Variants in UGGT2 observed in about 807,000 individuals in gnomAD.
The protein encoded by UGGT2 is UDP-glucose glycoprotein glucosyltransferase 2.
In UGGT2, 180 loss-of-function variants were observed where a neutral mutation model predicts 192.1. That is an observed-to-expected ratio of 0.94 (90% CI 0.83 to 1.06). The LOEUF (loss-of-function observed/expected upper bound fraction) is 1.06. Among genes scored for constraint, UGGT2 ranks in the 50% least tolerant of loss-of-function variants. UGGT2 has a pLI of 0.00. For missense variants in UGGT2, 1,849 were observed against 1,795.7 expected (o/e 1.03, Z -0.54); for synonymous variants, 580 against 591.0 (o/e 0.98, Z 0.27).
intron 12 of UGGT2, among the ~76,000 whole-genome samples, chr13:95,958,144 G>C (rs2050268383): frequency 6.6e-6 from 1 of 151,970 alleles, no homozygotes; most frequent in Non-Finnish European, 1.5e-5. Flanking sequence ...CTTTGGCTCT[G>C]AGAAGGCAGA....
intron 38 of UGGT2, among the ~76,000 whole-genome samples, chr13:95,830,362 A>C (rs1472717712): frequency 6.6e-6 from 1 of 152,176 alleles, no homozygotes; most frequent in African/African-American, 2.4e-5. Flanking sequence ...AATGGGAGAA[A>C]ATTTTTGCAA....
intron 1 of UGGT2, among the ~76,000 whole-genome samples, chr13:96,032,583 T>G (rs192160290): frequency 2.0e-5 from 3 of 152,202 alleles, no homozygotes. Flanking sequence ...CTTTCAGAAA[T>G]AATGAAATAA....
At chr13:95,998,200 T>C (rs908089155) in intron 6 of UGGT2, among the ~76,000 whole-genome samples, 2 of 152,124 alleles carry the variant, frequency 1.3e-5, no homozygotes, top group Admixed American at 1.3e-4. Flanking sequence ...GTGTAAAAGG[T>C]TGATGACAGA....
chr13:96,030,658 T>C (rs1008200769), intron 2 of UGGT2, among the ~76,000 whole-genome samples: 1 of 152,206 alleles, frequency 6.6e-6, no homozygotes, highest in South Asian at 2.1e-4. Flanking sequence ...AATAAACTAT[T>C]TTAATCACCA....
chr13:96,007,199 T>C (rs1566818139), intron 5 of UGGT2, among the ~76,000 whole-genome samples: 1 of 152,096 alleles, frequency 6.6e-6, no homozygotes, highest in Non-Finnish European at 1.5e-5. Flanking sequence ...AAAAACCATA[T>C]GATAATTTAA....
At chr13:95,866,614 G>T (rs1345569846) in intron 30 of UGGT2, among the ~76,000 whole-genome samples, 1 of 152,114 alleles carries the variant, frequency 6.6e-6, no homozygotes, top group East Asian at 1.9e-4. Context: ...TTCATCCTTA[G>T]CCTGAAAATA....
At chr13:95,992,156 T>C (rs1254293602) in intron 7 of UGGT2, among the ~76,000 whole-genome samples, 6 of 152,000 alleles carry the variant, frequency 3.9e-5, no homozygotes, top group Non-Finnish European at 5.9e-5. Flanking sequence ...GAGCTAGAGC[T>C]AGACTCCGTC....
chr13:96,046,830 A>T (rs539220927), intron 1 of UGGT2, among the ~76,000 whole-genome samples: 20 of 152,184 alleles, frequency 1.3e-4, no homozygotes, highest in Admixed American at 5.2e-4. Flanking sequence ...TATCCTGCGC[A>T]TGGCTTGAAG....
At chr13:95,985,363 T>C (rs747616749) in intron 9 of UGGT2, 22 of 1,004,400 alleles carry the variant, frequency 2.2e-5, no homozygotes, top group Non-Finnish European at 3.0e-5. Context: ...CAAACTCCTT[T>C]ATTTCAAGGT....
intron 10 of UGGT2, among the ~76,000 whole-genome samples, chr13:95,977,938 AG>A (rs895074596): frequency 1.1e-4 from 17 of 152,294 alleles, no homozygotes; most frequent in African/African-American, 3.6e-4. Flanking sequence ...AAACTAACAT[AG>A]GAACAGAAAG....
chr13:95,832,296 A>G (rs1251725832), intron 38 of UGGT2, among the ~76,000 whole-genome samples: 2 of 152,160 alleles, frequency 1.3e-5, no homozygotes, highest in Non-Finnish European at 2.9e-5. Flanking sequence ...CACAGGCAGC[A>G]CTGACAGGGA....
At chr13:95,902,709 T>C in intron 21 of UGGT2, 145 bp downstream of exon 21, 1 of 797,680 alleles carries the variant, frequency 1.3e-6, no homozygotes. Flanking sequence ...CATTTAATGT[T>C]TATCTTTTCC....
At chr13:96,006,201 A>C (rs932042433) in intron 5 of UGGT2, among the ~76,000 whole-genome samples, 5 of 152,254 alleles carry the variant, frequency 3.3e-5, no homozygotes, top group Non-Finnish European at 7.3e-5. Flanking sequence ...GAGTGATCAG[A>C]AAGGAAAATT....
intron 20 of UGGT2, among the ~76,000 whole-genome samples, chr13:95,907,650 C>T (rs1331912252): frequency 1.3e-5 from 2 of 152,168 alleles, no homozygotes; most frequent in Non-Finnish European, 2.9e-5. Context: ...AGACTTGCAG[C>T]TGAGGGACCT....
At chr13:95,966,829 C>T (rs577881841) in intron 12 of UGGT2, among the ~76,000 whole-genome samples, 152 of 152,192 alleles carry the variant, frequency 1.0e-3, no homozygotes, top group African/African-American at 3.3e-3. Context: ...CCATTAATGC[C>T]TTAAATTTTG....
At chr13:95,995,748 T>C (rs912974587) in intron 7 of UGGT2, among the ~76,000 whole-genome samples, 2 of 152,188 alleles carry the variant, frequency 1.3e-5, no homozygotes, top group Non-Finnish European at 2.9e-5. Context: ...AAACAATATG[T>C]TGTGTATGCA....
chr13:95,853,904 C>T (rs900824145), intron 35 of UGGT2, among the ~76,000 whole-genome samples: 2 of 152,148 alleles, frequency 1.3e-5, no homozygotes, highest in African/African-American at 4.8e-5. Flanking sequence ...TGTCATGAAA[C>T]TCATGGCCTT....
chr13:96,001,681 A>G (rs2051810000), intron 5 of UGGT2, among the ~76,000 whole-genome samples: 1 of 152,240 alleles, frequency 6.6e-6, no homozygotes, highest in African/African-American at 2.4e-5. Context: ...GGTTCATTGC[A>G]CAGGTTTACT....
intron 1 of UGGT2, among the ~76,000 whole-genome samples, chr13:96,033,911 G>C (rs2052916881): frequency 6.6e-6 from 1 of 152,168 alleles, no homozygotes; most frequent in Non-Finnish European, 1.5e-5. Flanking sequence ...TGGTGGCAGG[G>C]AGCAGATGGG....
Sources: allele counts gnomAD v4.1 joint callset (sites outside exome capture counted in the v4.1 genomes callset), GRCh38; gene constraint gnomAD v4.1.1; transcripts MANE v1.5; gene names NCBI Gene and HGNC (gene_info 2026-07-23, HGNC 2026-07-21).